The following PPRC1 variants were observed in gnomAD, a reference collection of about 807,000 sequenced individuals.
PPRC1 encodes PPARG related coactivator 1.
PPRC1 carries 23 observed loss-of-function variants against 132.5 expected under a neutral mutation model. That is an observed-to-expected ratio of 0.17 (90% CI 0.12 to 0.25). The LOEUF (loss-of-function observed/expected upper bound fraction) is 0.25, where lower values mean the gene tolerates loss of function less well. PPRC1 is among the 10% of genes least tolerant of loss of function. The pLI, the probability that PPRC1 is intolerant of heterozygous loss-of-function variation, is 1.00. For synonymous variants in PPRC1, 872 were observed against 833.5 expected, an observed-to-expected ratio of 1.05 and a Z score of -0.80; for missense variants, 2,006 against 2,089.1, an observed-to-expected ratio of 0.96 and a Z score of 0.78.
chr10:102,119,983 A>G, the PPRC1 span: 6 of 878,974 alleles, frequency 6.8e-6, no homozygotes, highest in African/African-American at 8.9e-5. Context: ...GGCTTCCCCC[A>G]TGCCATCGAC....
upstream of PPRC1, among the ~76,000 whole-genome samples, chr10:102,131,338 C>T (rs925836157): frequency 3.3e-5 from 5 of 151,722 alleles, no homozygotes; most frequent in Admixed American, 2.0e-4. Context: ...TCTTGCTCAC[C>T]GCACTCCACA....
chr10:102,140,239 C>A lies in PPRC1; in HGVS notation c.1731C>A (p.Val577=). ...CTATACCAACCCATCTCTCATTGGTCGACTCTGCCCAAGCCAGCCCCATGC... is the reference window on the plus strand; with the variant it reads ...CTATACCAACCCATCTCTCATTGGTAGACTCTGCCCAAGCCAGCCCCATGC... ...TNPIPTHLSL[V]DSAQASPMPV... Residue 577 remains valine (V), a synonymous_variant, in exon 5 of 14, where the codon GTC becomes GTA. Transcript: ENST00000278070. 1 of 1,614,218 alleles carries A rather than the reference C, an allele frequency of 6.2e-7. No individual in the cohort carries two copies. Among genetic ancestry groups the A allele is most frequent in the South Asian group, 1.1e-5 (1 of 91,088 alleles).
chr10:102,120,371 C>CCGTGTGTG, the PPRC1 span: 10 of 984,030 alleles, frequency 1.0e-5, no homozygotes, highest in African/African-American at 7.0e-5. Flanking sequence ...GAGTGTGTGT[C>CCGTGTGTG]CGTGTGTGCG....
At chr10:102,149,370 C>T (rs2069412705) in intron 13 of PPRC1, 41 bp downstream of exon 13, 16 of 1,524,762 alleles carry the variant, frequency 1.0e-5, no homozygotes, top group Non-Finnish European at 1.4e-5. Flanking sequence ...ATGCTTCATC[C>T]CCTCCCCAGA....
Position 102,139,814 on chromosome 10 carries a change from C to G in PPRC1, c.1306C>G (p.Pro436Ala). The G allele has an allele frequency of 6.2e-7, 1 of 1,614,164 alleles. No homozygotes were observed. Among genetic ancestry groups the G allele is most frequent in the Non-Finnish European group, 8.5e-7 (1 of 1,180,026 alleles). ...ATTGAAGCCCAGGGAGGTCGTGGAGCCGGTGGTGCCCAAGGAGCCTCAGAA... is the reference window on the plus strand; with the variant it reads ...ATTGAAGCCCAGGGAGGTCGTGGAGGCGGTGGTGCCCAAGGAGCCTCAGAA... ...CLLKPREVVE[P>A]VVPKEPQNPP... The change falls in exon 5 of 14, where the codon CCG becomes GCG. Residue 436 changes from proline to alanine, a missense_variant. Around this residue, in one of 2 missense-constraint regions of PPRC1, gnomAD observed 1,914 missense variants for 1,917.2 expected, o/e 1.00. Coordinates refer to ENST00000278070, the MANE Select transcript of PPRC1 (RefSeq NM_015062.5).
At chr10:102,133,299 A>G (rs1222634292) in intron 1 of PPRC1, 78 bp downstream of exon 1, 7 of 1,172,506 alleles carry the variant, frequency 6.0e-6, no homozygotes, top group Non-Finnish European at 7.5e-6. Flanking sequence ...GCCACAGGAA[A>G]GAGAGGAAGC....
In PPRC1 at chr10:102,139,108, G is replaced by C. The variant is rs757490022; in HGVS notation, c.600G>C (p.Met200Ile). 1 of 1,607,518 alleles carries C rather than the reference G, an allele frequency of 6.2e-7. No homozygotes were observed. The highest frequency in any genetic ancestry group is 1.1e-5 in the South Asian group (1 of 90,588). Reference protein sequence around the residue: ...TGSSRGSGVEMSLPDPSWDFS... With the variant: ...TGSSRGSGVEISLPDPSWDFS... ...TCTCTTCTCTCCTGCAGGTTGAAAT[G>C]TCTCTTCCAGATCCCTCTTGGGACT... Residue 200 changes from methionine (M) to isoleucine (I), a missense_variant, in exon 5 of 14, where the codon ATG (methionine) becomes ATC (isoleucine). Met to Ile is a conservative substitution (Grantham distance 10, BLOSUM62 1). This residue lies in a region of PPRC1 where 1,914 missense variants were observed against 1,917.2 expected (regional missense o/e 1.00). Coordinates refer to ENST00000278070, the MANE Select transcript of PPRC1 (RefSeq NM_015062.5).
chr10:102,135,682 A>G (rs1277977180), intron 1 of PPRC1, among the ~76,000 whole-genome samples: 1 of 152,194 alleles, frequency 6.6e-6, no homozygotes, highest in East Asian at 1.9e-4. Context: ...CCCGGCCTGT[A>G]AGCTATATTA....
In PPRC1 at chr10:102,140,415, T is replaced by A. The variant is rs914764704; in HGVS notation, c.1907T>A (p.Leu636Gln). 1 of 1,614,208 alleles carries A rather than the reference T, an allele frequency of 6.2e-7. No individual in the cohort carries two copies. The highest frequency in any genetic ancestry group is 1.3e-5 in the African/African-American group (1 of 75,048). Residue 636 changes from leucine to glutamine, a missense_variant, in exon 5 of 14, where the codon CTG becomes CAG. Transcript: ENST00000278070. ...PAEPVLINPVLADSAAVDPAV... is the reference protein window; with the variant it reads ...PAEPVLINPVQADSAAVDPAV... Reference sequence around the variant, plus strand: ...GAGCCAGTGCTGATCAACCCAGTCCTGGCTGACTCAGCAGCAGTTGACCCT... The same window carrying A: ...GAGCCAGTGCTGATCAACCCAGTCCAGGCTGACTCAGCAGCAGTTGACCCT...
At chr10:102,123,090 C>T in the PPRC1 span, among the ~76,000 whole-genome samples, 8 of 152,148 alleles carry the variant, frequency 5.3e-5, no homozygotes, top group African/African-American at 1.9e-4. Context: ...ACACTATAGC[C>T]CAGTTACCGG....
At position 102,140,483 on chromosome 10, in the gene PPRC1, G is replaced by C. The variant is rs1303173892; in HGVS notation, c.1975G>C (p.Val659Leu). 3 of 1,614,128 alleles carry C rather than the reference G, an allele frequency of 1.9e-6. No individual in the cohort carries two copies. Among genetic ancestry groups the C allele is most frequent in the Middle Eastern group, 1.6e-4 (1 of 6,062 alleles). The change falls in exon 5 of 14, where the codon GTC (valine) becomes CTC (leucine). Residue 659 changes from valine to leucine, a missense_variant. Around this residue, in one of 2 missense-constraint regions of PPRC1, gnomAD observed 1,914 missense variants for 1,917.2 expected, o/e 1.00. Coordinates refer to ENST00000278070, the MANE Select transcript of PPRC1 (RefSeq NM_015062.5). ...ISDNLPPVDA[V>L]PSGPAPVDLA... ...AGATAACTTGCCACCAGTTGATGCTGTCCCGTCTGGCCCAGCACCAGTTGA... is the reference window on the plus strand; with the variant it reads ...AGATAACTTGCCACCAGTTGATGCTCTCCCGTCTGGCCCAGCACCAGTTGA...
upstream of PPRC1, among the ~76,000 whole-genome samples, chr10:102,131,232 T>C (rs2068537001): frequency 1.3e-5 from 2 of 151,436 alleles, no homozygotes; most frequent in Non-Finnish European, 2.9e-5. Context: ...CATGGCAGTG[T>C]GTACCTGTAG....
At position 102,139,289 on chromosome 10, in the gene PPRC1, G is replaced by T; in HGVS notation, c.781G>T (p.Ala261Ser). 4.3e-6 allele frequency: 7 copies of T among 1,614,224 alleles called. No homozygotes were observed. The highest frequency in any genetic ancestry group is 5.9e-6 in the Non-Finnish European group (7 of 1,180,036). ...EVASFSGQIL[A>S]GELDNCVSSI... Reference sequence around the variant, plus strand: ...GGCCAGCTTCAGTGGCCAGATTCTTGCCGGGGAGCTTGACAACTGTGTGAG... The same window carrying T: ...GGCCAGCTTCAGTGGCCAGATTCTTTCCGGGGAGCTTGACAACTGTGTGAG... Residue 261 changes from alanine to serine, a missense_variant, in exon 5 of 14, where the codon GCC becomes TCC. Ala to Ser is a moderately conservative substitution (Grantham distance 99, BLOSUM62 1). Around this residue, in one of 2 missense-constraint regions of PPRC1, gnomAD observed 1,914 missense variants for 1,917.2 expected, o/e 1.00. Coordinates refer to ENST00000278070, the MANE Select transcript of PPRC1 (RefSeq NM_015062.5).
intron 8 of PPRC1, among the ~76,000 whole-genome samples, chr10:102,146,462 A>G (rs2069249469): frequency 6.6e-6 from 1 of 152,152 alleles, no homozygotes; most frequent in Non-Finnish European, 1.5e-5. Context: ...GGCTTCAGGA[A>G]GACCCTAGCT....
In PPRC1 at chr10:102,139,274, A is replaced by T. The variant is rs1303980840; in HGVS notation, c.766A>T (p.Ser256Cys). The T allele has an allele frequency of 2.5e-6, 4 of 1,614,084 alleles. No individual in the cohort carries two copies. In the Admixed American group the frequency reaches 6.7e-5, roughly 27 times the overall value. Residue 256 changes from serine (S) to cysteine (C), a missense_variant, in exon 5 of 14, where the codon AGT becomes TGT. By Grantham distance (112) the Ser-to-Cys change is moderately radical. Around this residue, in one of 2 missense-constraint regions of PPRC1, gnomAD observed 1,914 missense variants for 1,917.2 expected, o/e 1.00. Transcript: ENST00000278070. Reference sequence around the variant, plus strand: ...AGAAGAGGAGGAGGTGGCCAGCTTCAGTGGCCAGATTCTTGCCGGGGAGCT... The same window carrying T: ...AGAAGAGGAGGAGGTGGCCAGCTTCTGTGGCCAGATTCTTGCCGGGGAGCT... ...GEEEEEVASF[S>C]GQILAGELDN...
At chr10:102,125,616 G>A in the PPRC1 span, among the ~76,000 whole-genome samples, 1 of 151,994 alleles carries the variant, frequency 6.6e-6, no homozygotes, top group Admixed American at 6.6e-5. Context: ...ACACAGGCAG[G>A]AGGTACTGAG....
upstream of PPRC1, among the ~76,000 whole-genome samples, chr10:102,129,079 G>A (rs969427800): frequency 2.0e-5 from 3 of 149,430 alleles, no homozygotes; most frequent in Non-Finnish European, 3.0e-5. Context: ...ACAGGCGCCC[G>A]CCACCACGCC....
chr10:102,149,893 C>A lies in PPRC1; in HGVS notation c.4892-33C>A. ...AGACCCTGTGGTTGGGAAGTGTGGT[C>A]AGAGACCTTGAAGTTTGTCTTTACC... On this transcript the variant is annotated intron_variant, in intron 13 of 13. Transcript: ENST00000278070. 4 of 1,523,524 alleles carry A rather than the reference C, an allele frequency of 2.6e-6. No individual in the cohort carries two copies. The South Asian group carries it at 4.5e-5, about 17-fold the overall frequency. The allele number at this position is 1,523,524 out of a possible 1,614,324, so 94.4% of individuals were successfully genotyped here.
At chr10:102,123,400 G>A in the PPRC1 span, among the ~76,000 whole-genome samples, 1 of 151,864 alleles carries the variant, frequency 6.6e-6, no homozygotes, top group African/African-American at 2.4e-5. Flanking sequence ...TATGTGGAGG[G>A]GGGGTCTTTA....
Sources: allele counts gnomAD v4.1 joint callset (sites outside exome capture counted in the v4.1 genomes callset), GRCh38; gene constraint gnomAD v4.1.1; regional missense constraint gnomAD v4.1.1; transcripts MANE v1.5; gene names NCBI Gene and HGNC (gene_info 2026-07-23, HGNC 2026-07-21).